Variants in SETD2 observed in about 807,000 individuals in gnomAD.
SETD2 encodes the protein SET domain containing 2, histone lysine methyltransferase, also known as histone-lysine N-methyltransferase SETD2.
A neutral mutation model predicts 242.1 loss-of-function variants in SETD2; 31 were observed. The observed-to-expected ratio is 0.13, with a 90% CI of 0.10 to 0.17. SETD2 has a LOEUF of 0.17. SETD2 is among the 10% of genes least tolerant of loss of function. SETD2 has a pLI of 1.00. For synonymous variants in SETD2, 1,006 were observed against 1,066.5 expected, an observed-to-expected ratio of 0.94 and a Z score of 1.11; for missense variants, 2,481 against 3,046.3, an observed-to-expected ratio of 0.81 and a Z score of 4.37.
intron 1 of SETD2, among the ~76,000 whole-genome samples, chr3:47,148,604 T>C (rs150157904): frequency 6.6e-6 from 1 of 152,238 alleles, no homozygotes; most frequent in Non-Finnish European, 1.5e-5. Context: ...GGTTTTTAAA[T>C]GAACTTCAAA....
chr3:47,092,897 C>T (rs1399791539), intron 9 of SETD2, among the ~76,000 whole-genome samples: 2 of 152,106 alleles, frequency 1.3e-5, no homozygotes, highest in African/African-American at 4.8e-5. Flanking sequence ...AACAGCAACC[C>T]TTCCTATGCT....
intron 18 of SETD2, among the ~76,000 whole-genome samples, chr3:47,020,064 C>G (rs1307521457): frequency 6.6e-6 from 1 of 152,074 alleles, no homozygotes; most frequent in Non-Finnish European, 1.5e-5. Context: ...AAGTTAAGTT[C>G]CAATTCTCTA....
chr3:47,052,400 T>C (rs1248342262), intron 15 of SETD2, among the ~76,000 whole-genome samples: 1 of 152,214 alleles, frequency 6.6e-6, no homozygotes, highest in Non-Finnish European at 1.5e-5. Flanking sequence ...TTCAAACTCC[T>C]GGGTTCAAGT....
chr3:47,157,463 G>A (rs763730841), intron 1 of SETD2: 63 of 455,882 alleles, frequency 1.4e-4, no homozygotes, highest in Non-Finnish European at 1.3e-4. Context: ...ATTTGAACAT[G>A]CTGAAATATT....
intron 1 of SETD2, among the ~76,000 whole-genome samples, chr3:47,130,820 G>A (rs536186174): frequency 6.6e-6 from 1 of 152,002 alleles, no homozygotes; most frequent in African/African-American, 2.4e-5. Context: ...CAAAAAAATA[G>A]TGAAGTGGGC....
chr3:47,064,777 T>C (rs1233373657), intron 13 of SETD2: 4 of 151,630 alleles, frequency 2.6e-5, no homozygotes, highest in Non-Finnish European at 5.9e-5. Context: ...TAAATATATA[T>C]AAAATATATA....
At chr3:47,127,817 G>A (rs2043377866) in intron 1 of SETD2, among the ~76,000 whole-genome samples, 1 of 152,176 alleles carries the variant, frequency 6.6e-6, no homozygotes, top group African/African-American at 2.4e-5. Context: ...TCGTGCCATT[G>A]CACTCCAGCC....
chr3:47,110,141 A>C (rs907041766), intron 5 of SETD2, among the ~76,000 whole-genome samples: 1 of 152,210 alleles, frequency 6.6e-6, no homozygotes, highest in East Asian at 1.9e-4. Context: ...TCAAAAACAT[A>C]ATGCTAAGTG....
intron 18 of SETD2, among the ~76,000 whole-genome samples, chr3:47,032,517 T>C (rs1221883715): frequency 1.3e-5 from 2 of 151,456 alleles, no homozygotes; most frequent in Non-Finnish European, 2.9e-5. Context: ...TAAAGAGGTA[T>C]GGCTAAGCCA....
At chr3:47,031,310 T>C (rs1418213204) in intron 18 of SETD2, among the ~76,000 whole-genome samples, 2 of 152,218 alleles carry the variant, frequency 1.3e-5, no homozygotes, top group African/African-American at 4.8e-5. Context: ...GTACCACTCT[T>C]GTGCTTTGAT....
intron 12 of SETD2, among the ~76,000 whole-genome samples, chr3:47,072,694 C>A (rs1327960807): frequency 1.3e-5 from 2 of 151,896 alleles, no homozygotes; most frequent in African/African-American, 2.4e-5. Flanking sequence ...GCCTGTAATC[C>A]CAGCACTTTG....
chr3:47,095,081 A>G (rs957992094), intron 9 of SETD2, among the ~76,000 whole-genome samples: 1 of 152,224 alleles, frequency 6.6e-6, no homozygotes, highest in Non-Finnish European at 1.5e-5. Flanking sequence ...AATTAGTTTT[A>G]AAAATGTGTT....
intron 15 of SETD2, among the ~76,000 whole-genome samples, chr3:47,053,397 A>C (rs1292526145): frequency 6.6e-6 from 1 of 152,206 alleles, no homozygotes; most frequent in Non-Finnish European, 1.5e-5. Context: ...TTTTGCACCA[A>C]CCTAAAATGA....
chr3:47,019,745 T>C lies in SETD2; in HGVS notation c.7431+15A>G. ...AAGCCTGAGGAGCTTAGTGCTTATA[T>C]CCACCAAACCTTACCTCTTTTCTGA... On this transcript the variant is annotated intron_variant, in intron 19 of 20. Transcript: ENST00000409792. The C allele has an allele frequency of 6.2e-7, 1 of 1,607,462 alleles. No homozygotes were observed. The highest frequency in any genetic ancestry group is 8.5e-7 in the Non-Finnish European group (1 of 1,173,988).
Position 47,121,793 on chromosome 3 carries a change from T to C in SETD2, c.2843A>G (p.Asn948Ser), listed in dbSNP as rs2106660822. 2 of 1,614,130 alleles carry C rather than the reference T, an allele frequency of 1.2e-6. No individual in the cohort carries two copies. The highest frequency in any genetic ancestry group is 2.2e-5 in the South Asian group (2 of 91,082). The change falls in exon 3 of 21, where the codon AAC becomes AGC. Residue 948 changes from asparagine (N) to serine (S), a missense_variant. Around this residue, in one of 17 missense-constraint regions of SETD2, gnomAD observed 1,300 missense variants for 1,259.2 expected, o/e 1.03. Coordinates refer to ENST00000409792, the MANE Select transcript of SETD2 (RefSeq NM_014159.7). ...DSGKGFASRE[N>S]RRNNGLSGKC... ...CCCAGATAACCCATTATTACGCCTG[T>C]TCTCCCTGGAAGCAAATCCCTTTCC...
intron 12 of SETD2, among the ~76,000 whole-genome samples, chr3:47,071,675 T>C (rs1041543408): frequency 2.7e-5 from 4 of 149,146 alleles, no homozygotes; most frequent in African/African-American, 9.9e-5. Flanking sequence ...ACACAAAACA[T>C]ACAGAAAAAA....
At chr3:47,151,618 G>A (rs992109285) in intron 1 of SETD2, among the ~76,000 whole-genome samples, 1 of 151,906 alleles carries the variant, frequency 6.6e-6, no homozygotes, top group Non-Finnish European at 1.5e-5. Context: ...ACCTGAGATC[G>A]GGAGTTCGAG....
At chr3:47,144,195 CAG>C (rs1205716152) in intron 1 of SETD2, among the ~76,000 whole-genome samples, 1 of 152,164 alleles carries the variant, frequency 6.6e-6, no homozygotes, top group Admixed American at 6.6e-5. Flanking sequence ...AGAAACAACA[CAG>C]GGCAAAATAT....
At chr3:47,112,091 G>A (rs1416429163) in intron 5 of SETD2, among the ~76,000 whole-genome samples, 3 of 150,106 alleles carry the variant, frequency 2.0e-5, no homozygotes, top group African/African-American at 4.9e-5. Flanking sequence ...ACTTCAAAGA[G>A]GCACTTGACC....
Sources: allele counts gnomAD v4.1 joint callset (sites outside exome capture counted in the v4.1 genomes callset), GRCh38; gene constraint gnomAD v4.1.1; regional missense constraint gnomAD v4.1.1; transcripts MANE v1.5; gene names NCBI Gene and HGNC (gene_info 2026-07-23, HGNC 2026-07-21).